DOCK1: variants seen among roughly 807,000 people sequenced by gnomAD.
DOCK1 encodes the protein dedicator of cytokinesis 1, also known as dedicator of cytokinesis protein 1.
DOCK1 carries 138 observed loss-of-function variants against 262.7 expected under a neutral mutation model. The observed-to-expected ratio is 0.53, with a 90% CI of 0.46 to 0.61. The LOEUF is 0.61. DOCK1 is among the 20% of genes least tolerant of loss of function. The probability of loss-of-function intolerance (pLI) is 0.00; values close to 1 mark genes in which losing one functional copy is unlikely to be tolerated. For missense variants in DOCK1, 1,908 were observed against 2,370.7 expected (o/e 0.80, Z 4.05); for synonymous variants, 866 against 867.4 (o/e 1.00, Z 0.03).
intron 33 of DOCK1, among the ~76,000 whole-genome samples, chr10:127,364,192 T>C (rs896836122): frequency 6.6e-6 from 1 of 152,054 alleles, no homozygotes; most frequent in African/African-American, 2.4e-5. Flanking sequence ...TCAGGGTTGT[T>C]CCGGAAGCCG....
chr10:127,250,051 AC>A (rs2059572324), intron 28 of DOCK1, among the ~76,000 whole-genome samples: 1 of 152,178 alleles, frequency 6.6e-6, no homozygotes, highest in Admixed American at 6.5e-5. Context: ...TCTAAACTAC[AC>A]CCGACCCCCT....
In DOCK1 at chr10:127,071,753, T is replaced by G. The variant is rs80353893; in HGVS notation, c.2445+9977T>G. 7.1e-3 allele frequency among the ~76,000 whole-genome samples: 1,088 copies of G among 152,370 alleles called. 7 individuals are homozygous for G. The highest frequency in any genetic ancestry group is 0.025 in the African/African-American group (1,047 of 41,594). Reference sequence around the variant, plus strand: ...TTTTCTATTGTTGAATACTACCGTGTTGCTTTTAGCATTTTAAGCCTGCAA... The same window carrying G: ...TTTTCTATTGTTGAATACTACCGTGGTGCTTTTAGCATTTTAAGCCTGCAA... On this transcript the variant is annotated intron_variant, in intron 23 of 51. Transcript: ENST00000623213.
intron 27 of DOCK1, among the ~76,000 whole-genome samples, chr10:127,217,922 C>T (rs1343701678): frequency 6.6e-6 from 1 of 152,022 alleles, no homozygotes. Flanking sequence ...GCCAGTTATC[C>T]CAGAACCATT....
At chr10:127,011,008 T>C (rs987812671) in intron 11 of DOCK1, among the ~76,000 whole-genome samples, 3 of 152,232 alleles carry the variant, frequency 2.0e-5, no homozygotes, top group Non-Finnish European at 2.9e-5. Context: ...TAGTTTTAGA[T>C]TCACTGATTT....
chr10:127,064,365 C>T (rs911530087), intron 23 of DOCK1, among the ~76,000 whole-genome samples: 7 of 152,142 alleles, frequency 4.6e-5, no homozygotes, highest in Non-Finnish European at 7.3e-5. Flanking sequence ...GAGTCAGCCA[C>T]GGGGTTTTAC....
intron 1 of DOCK1, among the ~76,000 whole-genome samples, chr10:126,933,187 G>A (rs927584213): frequency 1.3e-5 from 2 of 152,110 alleles, no homozygotes; most frequent in Admixed American, 6.5e-5. Context: ...TTGTGGGTGC[G>A]TTGAGGTGAA....
At chr10:126,941,500 T>C (rs1275048337) in intron 1 of DOCK1, among the ~76,000 whole-genome samples, 2 of 152,218 alleles carry the variant, frequency 1.3e-5, no homozygotes, top group Admixed American at 1.3e-4. Flanking sequence ...CTCATGCCTG[T>C]AATCCCAGCA....
At chr10:127,022,109 G>GAAGA (rs1215962780) in intron 13 of DOCK1, among the ~76,000 whole-genome samples, 2 of 152,066 alleles carry the variant, frequency 1.3e-5, no homozygotes, top group African/African-American at 4.8e-5. Flanking sequence ...TCAGTAGGAA[G>GAAGA]AAGAGTCTTG....
chr10:126,970,218 A>G (rs984691644), intron 1 of DOCK1, among the ~76,000 whole-genome samples: 33 of 152,186 alleles, frequency 2.2e-4, no homozygotes, highest in Middle Eastern at 3.2e-3. Flanking sequence ...GATTTCAGAC[A>G]TTTCTTGCTT....
rs1309585030 is a variant in DOCK1, at chr10:127,012,522, G to A, written c.1201+148G>A. On this transcript the variant is annotated intron_variant, in intron 12 of 51. Coordinates refer to ENST00000623213, the MANE Select transcript of DOCK1 (RefSeq NM_001290223.2). The surrounding 1 kb of genome is among the most constrained non-coding windows in gnomAD (Gnocchi z 4.0). Reference sequence around the variant, plus strand: ...ATCGTGGTGGAGAATGTGTGTGACAGTTGCCCCTGTGTACAGTGCATGATG... The same window carrying A: ...ATCGTGGTGGAGAATGTGTGTGACAATTGCCCCTGTGTACAGTGCATGATG... 4 of 724,978 alleles carry A rather than the reference G, an allele frequency of 5.5e-6. No individual in the cohort carries two copies. The highest frequency in any genetic ancestry group is 2.7e-5 in the East Asian group (1 of 37,284). The allele number at this position is 724,978 out of a possible 1,614,324, so 44.9% of individuals were successfully genotyped here. A position where few individuals can be genotyped will look rare whatever the true frequency, so the allele number is the denominator to read the frequency against.
chr10:126,940,387 G>T (rs1242396317), intron 1 of DOCK1, among the ~76,000 whole-genome samples: 1 of 152,120 alleles, frequency 6.6e-6, no homozygotes, highest in Admixed American at 6.5e-5. Context: ...GCAGCACTTC[G>T]TACTCAATAT....
At chr10:126,962,466 G>A (rs1480600791) in intron 1 of DOCK1, among the ~76,000 whole-genome samples, 1 of 144,436 alleles carries the variant, frequency 6.9e-6, no homozygotes, top group Admixed American at 7.1e-5. Context: ...GCCAGTTTTG[G>A]CATTTTTTTT....
intron 27 of DOCK1, chr10:127,137,722 G>A (rs1414944225): frequency 2.2e-6 from 2 of 929,896 alleles, no homozygotes; most frequent in Non-Finnish European, 3.2e-6. Flanking sequence ...GGCGAGAAGT[G>A]GGAGGTGCCT....
intron 33 of DOCK1, among the ~76,000 whole-genome samples, chr10:127,367,351 C>T (rs1346535457): frequency 1.3e-5 from 2 of 152,090 alleles, no homozygotes. Flanking sequence ...TGCCCTTATC[C>T]TGCTTCTCCA....
chr10:126,946,416 G>A (rs915664573), intron 1 of DOCK1, among the ~76,000 whole-genome samples: 25,985 of 152,010 alleles, frequency 0.17, 2,703 homozygotes, highest in Middle Eastern at 0.24. Context: ...ATGTGGTGGC[G>A]GGCACCTGTA....
intron 29 of DOCK1, among the ~76,000 whole-genome samples, chr10:127,285,167 CT>C (rs1420560930): frequency 6.6e-6 from 1 of 152,142 alleles, no homozygotes; most frequent in Non-Finnish European, 1.5e-5. Context: ...TCTGGCAGCC[CT>C]TCTCTGTTTT....
intron 1 of DOCK1, among the ~76,000 whole-genome samples, chr10:126,958,776 C>G (rs1226704871): frequency 6.6e-6 from 1 of 152,122 alleles, no homozygotes; most frequent in African/African-American, 2.4e-5. Flanking sequence ...TCACTCCGCT[C>G]AGATGTGTTC....
In DOCK1 at chr10:127,362,891, ACACACACATGTACATC is replaced by A. The variant is rs1258682393; in HGVS notation, c.3432+680_3432+695del. Among the ~76,000 whole-genome samples the A allele has an allele frequency of 1.9e-3, 186 of 99,632 alleles. 4 individuals are homozygous for A. The highest frequency in any genetic ancestry group is 3.6e-3 in the East Asian group (12 of 3,296). 65.4% of individuals were successfully genotyped at this position (99,632 alleles called of 152,430 possible). On this transcript the variant is annotated intron_variant, in intron 33 of 51. Transcript: ENST00000623213. ...CACACACACATACACATCCCCACAC[ACACACACATGTACATC>A]TCCACACACACATATACACATGCAC...
intron 29 of DOCK1, among the ~76,000 whole-genome samples, chr10:127,262,963 T>TAACCCCAGAGCATC (rs1363741410): frequency 6.6e-6 from 1 of 152,176 alleles, no homozygotes; most frequent in Non-Finnish European, 1.5e-5. Flanking sequence ...TGCCAAAATT[T>TAACCCCAGAGCATC]AACCCCAGAG....
Sources: allele counts gnomAD v4.1 joint callset (sites outside exome capture counted in the v4.1 genomes callset), GRCh38; gene constraint gnomAD v4.1.1; non-coding constraint Gnocchi (gnomAD v3.1); transcripts MANE v1.5; gene names NCBI Gene and HGNC (gene_info 2026-07-23, HGNC 2026-07-21).